GABRB2: variants seen among roughly 807,000 people sequenced by gnomAD.
GABRB2 encodes the protein gamma-aminobutyric acid type A receptor subunit beta2.
A neutral mutation model predicts 54.7 loss-of-function variants in GABRB2; 16 were observed. That is an observed-to-expected ratio of 0.29 (90% CI 0.20 to 0.44). The LOEUF (loss-of-function observed/expected upper bound fraction) is 0.44, where lower values mean the gene tolerates loss of function less well. GABRB2 is among the 20% of genes least tolerant of loss of function. The pLI is 1.00. For synonymous variants in GABRB2, 244 were observed against 233.8 expected (o/e 1.04, Z -0.40); for missense variants, 355 against 644.0 (o/e 0.55, Z 4.86).
At chr5:161,486,142 T>A (rs1450061315) in intron 3 of GABRB2, among the ~76,000 whole-genome samples, 1 of 151,982 alleles carries the variant, frequency 6.6e-6, no homozygotes, top group Admixed American at 6.6e-5. Flanking sequence ...TGTATACTTA[T>A]GGTTACGGTA....
intron 3 of GABRB2, among the ~76,000 whole-genome samples, chr5:161,527,155 T>A (rs895584161): frequency 6.6e-6 from 1 of 150,816 alleles, no homozygotes; most frequent in Non-Finnish European, 1.5e-5. Flanking sequence ...GAAATATTAA[T>A]GAAGCAAATT....
At chr5:161,492,011 T>A (rs1341240678) in intron 3 of GABRB2, among the ~76,000 whole-genome samples, 2 of 151,618 alleles carry the variant, frequency 1.3e-5, no homozygotes, top group Non-Finnish European at 3.0e-5. Flanking sequence ...AAAAACAGAT[T>A]AATAACTAAG....
chr5:161,379,398 T>C (rs1755401024), intron 5 of GABRB2, among the ~76,000 whole-genome samples: 1 of 152,164 alleles, frequency 6.6e-6, no homozygotes, highest in African/African-American at 2.4e-5. Flanking sequence ...GTGAATTTCC[T>C]GAGTTTAAAG....
At chr5:161,318,563 G>T (rs2113376486) in intron 9 of GABRB2, among the ~76,000 whole-genome samples, 1 of 151,908 alleles carries the variant, frequency 6.6e-6, no homozygotes, top group African/African-American at 2.4e-5. Flanking sequence ...CCTTTACATA[G>T]AGAACACTGG....
At chr5:161,535,168 A>G (rs1028030872) in intron 3 of GABRB2, among the ~76,000 whole-genome samples, 14 of 152,048 alleles carry the variant, frequency 9.2e-5, no homozygotes, top group African/African-American at 3.1e-4. Flanking sequence ...AACATCTTCA[A>G]CTCCTCAATG....
chr5:161,330,648 G>A (rs1753809895), intron 8 of GABRB2: 2 of 526,260 alleles, frequency 3.8e-6, no homozygotes, highest in Admixed American at 6.2e-5. Flanking sequence ...GCATCATAAA[G>A]GTCTTCTCAT....
At chr5:161,504,979 T>G (rs1320198447) in intron 3 of GABRB2, among the ~76,000 whole-genome samples, 1 of 152,114 alleles carries the variant, frequency 6.6e-6, no homozygotes, top group Non-Finnish European at 1.5e-5. Flanking sequence ...CAAAAATCCC[T>G]CACAATTGCA....
intron 5 of GABRB2, among the ~76,000 whole-genome samples, chr5:161,383,870 GTATAGATAGATA>G (rs1174600651): frequency 6.6e-6 from 1 of 152,192 alleles, no homozygotes; most frequent in Non-Finnish European, 1.5e-5. Flanking sequence ...AAGTATGTAT[GTATAGATAGATA>G]TATGCATAAA....
intron 8 of GABRB2, among the ~76,000 whole-genome samples, chr5:161,328,020 C>G (rs1448428560): frequency 6.6e-6 from 1 of 152,138 alleles, no homozygotes; most frequent in Non-Finnish European, 1.5e-5. Context: ...TAGTGGGAGT[C>G]TGGAAAGCTT....
chr5:161,447,067 T>G (rs1757655005), intron 4 of GABRB2, among the ~76,000 whole-genome samples: 1 of 152,196 alleles, frequency 6.6e-6, no homozygotes. Context: ...AACCAATCTT[T>G]ACAAACAACT....
intron 3 of GABRB2, among the ~76,000 whole-genome samples, chr5:161,496,760 T>C (rs1015801711): frequency 1.3e-5 from 2 of 152,256 alleles, no homozygotes; most frequent in African/African-American, 4.8e-5. Context: ...ACACCACCAA[T>C]ACTCTTGTAC....
At chr5:161,400,029 G>A (rs191016924) in intron 5 of GABRB2, among the ~76,000 whole-genome samples, 1 of 152,220 alleles carries the variant, frequency 6.6e-6, no homozygotes, top group Admixed American at 6.5e-5. Context: ...AGAGGTACTC[G>A]ATTTGCAAAA....
chr5:161,447,055 G>A (rs1757654645), intron 4 of GABRB2, among the ~76,000 whole-genome samples: 1 of 152,064 alleles, frequency 6.6e-6, no homozygotes, highest in Admixed American at 6.6e-5. Context: ...GCTAATAATA[G>A]CAACCAATCT....
chr5:161,305,376 A>G (rs1161277947), intron 9 of GABRB2, among the ~76,000 whole-genome samples: 4 of 152,230 alleles, frequency 2.6e-5, no homozygotes, highest in Non-Finnish European at 1.5e-5. Context: ...TCAAATTATT[A>G]TGAACCCTCA....
intron 3 of GABRB2, among the ~76,000 whole-genome samples, chr5:161,483,395 G>C (rs1052643535): frequency 1.3e-5 from 2 of 151,912 alleles, no homozygotes; most frequent in Non-Finnish European, 2.9e-5. Flanking sequence ...AATTCTGAAT[G>C]AATAAAGAAA....
intron 5 of GABRB2, among the ~76,000 whole-genome samples, chr5:161,382,031 A>G (rs997077174): frequency 6.6e-6 from 1 of 152,178 alleles, no homozygotes; most frequent in South Asian, 2.1e-4. Flanking sequence ...ATGTAATTAC[A>G]CCTTTAGTGA....
chr5:161,378,046 G>A (rs909369646), intron 5 of GABRB2, among the ~76,000 whole-genome samples: 4 of 152,016 alleles, frequency 2.6e-5, no homozygotes, highest in African/African-American at 9.7e-5. Context: ...TCTAGTCAGA[G>A]TTTCTTTCTT....
chr5:161,524,138 G>A (rs1167915997), intron 3 of GABRB2, among the ~76,000 whole-genome samples: 1 of 151,224 alleles, frequency 6.6e-6, no homozygotes, highest in East Asian at 1.9e-4. Flanking sequence ...TTCTTCAGTA[G>A]AATGAAACTT....
intron 3 of GABRB2, among the ~76,000 whole-genome samples, chr5:161,482,304 T>C (rs1758786535): frequency 6.6e-6 from 1 of 152,068 alleles, no homozygotes; most frequent in South Asian, 2.1e-4. Context: ...TATCCAGCTA[T>C]TGTTTCTGTT....
Sources: gnomAD v4.1 joint callset for allele counts (sites outside exome capture counted in the v4.1 genomes callset) on GRCh38, gnomAD v4.1.1 for gene constraint, MANE v1.5 for transcripts, NCBI Gene and HGNC (gene_info 2026-07-23, HGNC 2026-07-21) for gene names.